Variants in HTR2C observed in about 807,000 individuals in gnomAD.
The protein encoded by HTR2C is 5-hydroxytryptamine (serotonin) receptor 2C, G protein-coupled.
A neutral mutation model predicts 21.0 loss-of-function variants in HTR2C; 5 were observed. That is an observed-to-expected ratio of 0.24 (90% CI 0.12 to 0.50). HTR2C has a LOEUF of 0.50. Among genes scored for constraint, HTR2C ranks in the 20% least tolerant of loss-of-function variants. The pLI, the probability that HTR2C is intolerant of heterozygous loss-of-function variation, is 0.98. For synonymous variants in HTR2C, 150 were observed against 145.3 expected (o/e 1.03, Z -0.23); for missense variants, 271 against 371.2 (o/e 0.73, Z 2.22).
intron 4 of HTR2C, among the ~76,000 whole-genome samples, chrX:114,841,196 T>C (rs781835055): frequency 8.9e-6 from 1 of 112,087 alleles, no homozygotes; most frequent in East Asian, 2.8e-4. Flanking sequence ...TAAGGTTGCA[T>C]AGGAGAAGAG....
chrX:114,868,726 T>C (rs2071066289), intron 5 of HTR2C, among the ~76,000 whole-genome samples: 2 of 112,222 alleles, frequency 1.8e-5, no homozygotes, highest in East Asian at 2.8e-4. Context: ...TTTTGGAAAG[T>C]TAAAATCTCT....
rs782265714 is a variant in HTR2C, at chrX:114,874,571, C to T, written c.550+26368C>T. On this transcript the variant is annotated intron_variant, in intron 5 of 5. Transcript: ENST00000276198. Reference sequence around the variant, plus strand: ...TTACCCAGACAGGGGTGCAATGGCACGATCTCGGCTCACTGCAACCTCCAT... The same window carrying T: ...TTACCCAGACAGGGGTGCAATGGCATGATCTCGGCTCACTGCAACCTCCAT... 1.2e-4 allele frequency among the ~76,000 whole-genome samples: 13 copies of T among 110,250 alleles called. 1 individual carries two copies. In the East Asian group the frequency reaches 2.9e-3, roughly 24 times the overall value.
chrX:114,696,796 TATTA>T lies in HTR2C; in HGVS notation c.-79-30058_-79-30055del, dbSNP rs200093774. 8.7e-4 allele frequency among the ~76,000 whole-genome samples: 96 copies of T among 110,838 alleles called. No homozygotes were observed. In the East Asian group the frequency reaches 0.024, roughly 27 times the overall value. ...CATCTTTCTTCTATTTTTTTTCTATTATTAATTCTCTGTGGGCCTAGCATTTACC... is the reference window on the plus strand; with the variant it reads ...CATCTTTCTTCTATTTTTTTTCTATTATTCTCTGTGGGCCTAGCATTTACC... On this transcript the variant is annotated intron_variant, in intron 2 of 5. Transcript: ENST00000276198.
chrX:114,855,518 C>A (rs1556470681), intron 5 of HTR2C, among the ~76,000 whole-genome samples: 1 of 110,444 alleles, frequency 9.1e-6, no homozygotes, highest in Non-Finnish European at 1.9e-5. Context: ...TTACATTATT[C>A]ACTTGAAACC....
chrX:114,750,360 G>T (rs1389899756), intron 4 of HTR2C, among the ~76,000 whole-genome samples: 1 of 111,634 alleles, frequency 9.0e-6, no homozygotes, highest in East Asian at 2.8e-4. Context: ...CATTTAATCT[G>T]TTCTGTCTTC....
intron 2 of HTR2C, among the ~76,000 whole-genome samples, chrX:114,709,376 A>G (rs918023562): frequency 8.9e-6 from 1 of 112,020 alleles, no homozygotes; most frequent in Non-Finnish European, 1.9e-5. Flanking sequence ...GGTTGATGGG[A>G]TTATCTCTGT....
chrX:114,776,802 G>C, intron 4 of HTR2C: 1 of 257,965 alleles, frequency 3.9e-6, no homozygotes, highest in Non-Finnish European at 7.1e-6. Context: ...GGCCGGCTCT[G>C]ACTACAAAGA....
chrX:114,756,127 A>C (rs782678413), intron 4 of HTR2C, among the ~76,000 whole-genome samples: 405 of 104,427 alleles, frequency 3.9e-3, no homozygotes, highest in African/African-American at 4.8e-3. Flanking sequence ...ATACAAAACA[A>C]CCCCCCCCAA....
chrX:114,816,815 C>T (rs1004078532), intron 4 of HTR2C, among the ~76,000 whole-genome samples: 57 of 110,356 alleles, frequency 5.2e-4, no homozygotes, highest in African/African-American at 1.8e-3. Context: ...TTCAGCTTCT[C>T]ATCTCATCTC....
At chrX:114,787,151 G>C (rs1556442329) in intron 4 of HTR2C, among the ~76,000 whole-genome samples, 1 of 111,675 alleles carries the variant, frequency 9.0e-6, no homozygotes, top group African/African-American at 3.3e-5. Flanking sequence ...TTTCTGGACC[G>C]CATTATATCC....
intron 2 of HTR2C, chrX:114,639,291 C>A (rs1431454558): frequency 1.8e-5 from 2 of 112,908 alleles, no homozygotes; most frequent in African/African-American, 6.5e-5. Context: ...TTTACAAATT[C>A]TTGGAGGAAC....
At chrX:114,701,572 C>A (rs782105439) in intron 2 of HTR2C, among the ~76,000 whole-genome samples, 2 of 111,127 alleles carry the variant, frequency 1.8e-5, no homozygotes, top group South Asian at 7.7e-4. Context: ...ACATCACCAT[C>A]ATCAAAGACC....
chrX:114,769,440 CTT>C (rs2069978237), intron 4 of HTR2C, among the ~76,000 whole-genome samples: 1 of 110,497 alleles, frequency 9.1e-6, no homozygotes, highest in East Asian at 2.8e-4. Flanking sequence ...CAATATACAT[CTT>C]TTAATTTTTA....
chrX:114,792,159 T>C (rs1324620703), intron 4 of HTR2C, among the ~76,000 whole-genome samples: 2 of 111,854 alleles, frequency 1.8e-5, no homozygotes, highest in Non-Finnish European at 3.8e-5. Flanking sequence ...GTGCAGAACG[T>C]GCAAGTTTGT....
chrX:114,802,435 A>G (rs1402176871), intron 4 of HTR2C, among the ~76,000 whole-genome samples: 2 of 111,493 alleles, frequency 1.8e-5, no homozygotes, highest in African/African-American at 3.3e-5. Flanking sequence ...TATTAAAATT[A>G]TAAACTACTT....
chrX:114,695,854 C>T (rs1322185618), intron 2 of HTR2C, among the ~76,000 whole-genome samples: 1 of 111,554 alleles, frequency 9.0e-6, no homozygotes, highest in Non-Finnish European at 1.9e-5. Context: ...TTATCCTGCA[C>T]ATTGCAAATA....
At chrX:114,722,110 G>A (rs1933242675) in intron 2 of HTR2C, among the ~76,000 whole-genome samples, 1 of 110,240 alleles carries the variant, frequency 9.1e-6, no homozygotes. Context: ...ACCTTGGGCA[G>A]TATGGCCATT....
At chrX:114,820,842 G>C (rs1556455999) in intron 4 of HTR2C, among the ~76,000 whole-genome samples, 1 of 110,886 alleles carries the variant, frequency 9.0e-6, no homozygotes, top group African/African-American at 3.3e-5. Context: ...TTTAGCAGTA[G>C]CATGAAAACG....
chrX:114,836,520 C>T (rs2070786186), intron 4 of HTR2C, among the ~76,000 whole-genome samples: 1 of 112,326 alleles, frequency 8.9e-6, no homozygotes, highest in South Asian at 3.7e-4. Context: ...ACTCCCTGAC[C>T]CCTTGCGCTT....
Sources: gnomAD v4.1 joint callset for allele counts (sites outside exome capture counted in the v4.1 genomes callset) on GRCh38, gnomAD v4.1.1 for gene constraint, MANE v1.5 for transcripts, NCBI Gene and HGNC (gene_info 2026-07-23, HGNC 2026-07-21) for gene names.